The following WDR27 variants were observed in gnomAD, a reference collection of about 807,000 sequenced individuals.
WDR27 encodes the protein WD repeat domain 27.
Under a neutral mutation model 114.4 loss-of-function variants are expected in WDR27, and 100 were observed. The ratio of observed to expected loss-of-function variants is 0.87; its 90% confidence interval spans 0.74 to 1.03. The LOEUF is 1.03. Among genes scored for constraint, WDR27 ranks in the 50% least tolerant of loss-of-function variants. The probability of loss-of-function intolerance (pLI) is 0.00; values close to 1 mark genes in which losing one functional copy is unlikely to be tolerated. For missense variants in WDR27, 1,129 were observed against 1,092.9 expected (o/e 1.03, Z -0.47); for synonymous variants, 449 against 423.1 (o/e 1.06, Z -0.75).
intron 2 of WDR27, among the ~76,000 whole-genome samples, chr6:169,682,558 A>C (rs1781814490): frequency 1.3e-5 from 2 of 152,250 alleles, no homozygotes; most frequent in Non-Finnish European, 2.9e-5. Context: ...GGAACTCAAC[A>C]GTCAGTCTAT....
intron 22 of WDR27, among the ~76,000 whole-genome samples, chr6:169,609,617 T>C (rs920382804): frequency 6.6e-6 from 1 of 152,180 alleles, no homozygotes; most frequent in Non-Finnish European, 1.5e-5. Flanking sequence ...GGCCAACCCA[T>C]GAAACCACTT....
At chr6:169,618,632 A>AC (rs2128193449) in intron 21 of WDR27, among the ~76,000 whole-genome samples, 1 of 136,376 alleles carries the variant, frequency 7.3e-6, no homozygotes, top group South Asian at 2.1e-4. Context: ...GACTGCAAAA[A>AC]AAAAAAAAAA....
At chr6:169,481,105 T>C (rs764840385) in intron 25 of WDR27, among the ~76,000 whole-genome samples, 1 of 151,580 alleles carries the variant, frequency 6.6e-6, no homozygotes, top group East Asian at 1.9e-4. Flanking sequence ...AGCTAGAGGA[T>C]TGTAAATGTA....
At chr6:169,665,913 C>T (rs1225203224) in intron 6 of WDR27, among the ~76,000 whole-genome samples, 1 of 152,206 alleles carries the variant, frequency 6.6e-6, no homozygotes, top group Non-Finnish European at 1.5e-5. Flanking sequence ...GAGGGCAGCA[C>T]TGCCGTTTAA....
At chr6:169,482,575 A>T (rs1364972280) in intron 25 of WDR27, among the ~76,000 whole-genome samples, 1 of 152,204 alleles carries the variant, frequency 6.6e-6, no homozygotes, top group African/African-American at 2.4e-5. Flanking sequence ...TCTTTTGTGC[A>T]ATAACAGTGG....
At chr6:169,595,621 C>T (rs1262271469) in intron 23 of WDR27, among the ~76,000 whole-genome samples, 4 of 152,108 alleles carry the variant, frequency 2.6e-5, no homozygotes, top group Non-Finnish European at 5.9e-5. Flanking sequence ...GTTATATTCT[C>T]ACATCTCCCA....
intron 24 of WDR27, among the ~76,000 whole-genome samples, chr6:169,577,014 T>A (rs1487582326): frequency 2.0e-5 from 3 of 151,768 alleles, no homozygotes; most frequent in Admixed American, 2.0e-4. Flanking sequence ...ATTATGTATT[T>A]TATGTGAATG....
Position 169,457,604 on chromosome 6 carries a change from G to A in WDR27, c.2676C>T (p.Ser892=). The stretch of plus-strand genomic sequence containing the variant: ...AGTGGTTACTCAGCTAGAAAGAGCT[G>A]GAGTTTACCATCCAAGGTAGCTGTG... ...SLPQLPWMVN[S]SSF The change falls in exon 26 of 26, where the codon TCC becomes TCT. Residue 892 remains serine, a synonymous_variant. Coordinates refer to ENST00000448612, the MANE Select transcript of WDR27 (RefSeq NM_182552.5). 2 of 1,552,408 alleles carry A rather than the reference G, an allele frequency of 1.3e-6. No homozygotes were observed. The highest frequency in any genetic ancestry group is 1.7e-6 in the Non-Finnish European group (2 of 1,147,202).
At chr6:169,573,947 C>T (rs947184433) in intron 24 of WDR27, among the ~76,000 whole-genome samples, 3 of 152,350 alleles carry the variant, frequency 2.0e-5, no homozygotes, top group Admixed American at 2.0e-4. Flanking sequence ...CCATCTCAGC[C>T]AGGATAATTT....
At chr6:169,513,183 T>TG (rs1403594035) in intron 25 of WDR27, among the ~76,000 whole-genome samples, 1 of 152,118 alleles carries the variant, frequency 6.6e-6, no homozygotes, top group African/African-American at 2.4e-5. Flanking sequence ...CAGGAATTTC[T>TG]GGGGGCACCT....
At chr6:169,514,663 AAG>A in intron 25 of WDR27, among the ~76,000 whole-genome samples, 1 of 148,702 alleles carries the variant, frequency 6.7e-6, no homozygotes, top group Admixed American at 6.7e-5. Flanking sequence ...TTAATACACT[AAG>A]AGCAAGTTGG....
At chr6:169,653,100 G>A (rs1056712186) in intron 13 of WDR27, among the ~76,000 whole-genome samples, 3 of 152,234 alleles carry the variant, frequency 2.0e-5, no homozygotes, top group Non-Finnish European at 4.4e-5. Context: ...GGACCCCGTG[G>A]GTTGGACACG....
chr6:169,492,572 A>C (rs1350708787), intron 25 of WDR27, among the ~76,000 whole-genome samples: 2 of 152,124 alleles, frequency 1.3e-5, no homozygotes, highest in Admixed American at 6.5e-5. Context: ...TACCAAGCTA[A>C]ATTATCATTT....
chr6:169,625,446 A>G (rs988914295), intron 21 of WDR27, among the ~76,000 whole-genome samples: 1 of 152,198 alleles, frequency 6.6e-6, no homozygotes, highest in Non-Finnish European at 1.5e-5. Context: ...GTGGAGACTG[A>G]GCCTGGACAG....
chr6:169,613,441 A>C, intron 22 of WDR27, 118 bp downstream of exon 22: 1 of 773,520 alleles, frequency 1.3e-6, no homozygotes, highest in Non-Finnish European at 2.1e-6. Flanking sequence ...AATCAGTCTT[A>C]GATTAGTCAG....
intron 21 of WDR27, among the ~76,000 whole-genome samples, chr6:169,630,824 G>A (rs571245293): frequency 1.3e-5 from 2 of 152,172 alleles, no homozygotes; most frequent in South Asian, 4.2e-4. Flanking sequence ...AACCTAGGAG[G>A]TGGAGGTTGC....
chr6:169,559,880 G>A (rs1799449406), intron 25 of WDR27: 4 of 152,216 alleles, frequency 2.6e-5, no homozygotes, highest in African/African-American at 9.6e-5. Flanking sequence ...TACCCACTGT[G>A]TGCTTTTGTT....
chr6:169,571,142 C>T (rs1801343886), intron 25 of WDR27, among the ~76,000 whole-genome samples: 1 of 152,152 alleles, frequency 6.6e-6, no homozygotes, highest in South Asian at 2.1e-4. Flanking sequence ...AACCTTTCCT[C>T]CAGGTATATG....
intron 23 of WDR27, among the ~76,000 whole-genome samples, chr6:169,585,156 CT>C (rs1804297327): frequency 6.6e-6 from 1 of 152,088 alleles, no homozygotes; most frequent in South Asian, 2.1e-4. Flanking sequence ...TAAAAATCAA[CT>C]CAAAATGGAT....
Sources: gnomAD v4.1 joint callset for allele counts (sites outside exome capture counted in the v4.1 genomes callset) on GRCh38, gnomAD v4.1.1 for gene constraint, MANE v1.5 for transcripts, NCBI Gene and HGNC (gene_info 2026-07-23, HGNC 2026-07-21) for gene names.